Variants in PRMT3 observed in about 807,000 individuals in gnomAD.
PRMT3 encodes the protein protein arginine N-methyltransferase 3.
In PRMT3, 62 loss-of-function variants were observed where a neutral mutation model predicts 71.9. The observed-to-expected ratio is 0.86, with a 90% CI of 0.70 to 1.07. The LOEUF (loss-of-function observed/expected upper bound fraction) is 1.07. Among genes scored for constraint, PRMT3 ranks in the 50% least tolerant of loss-of-function variants. PRMT3 has a pLI of 0.00. For missense variants in PRMT3, 663 were observed against 643.0 expected (o/e 1.03, Z -0.34); for synonymous variants, 213 against 220.4 (o/e 0.97, Z 0.30).
At chr11:20,420,957 TAGAA>T (rs1849412383) in intron 9 of PRMT3, among the ~76,000 whole-genome samples, 1 of 152,222 alleles carries the variant, frequency 6.6e-6, no homozygotes, top group African/African-American at 2.4e-5. Context: ...ATACATACAT[TAGAA>T]AGAAGCTATA....
chr11:20,491,841 C>A (rs966007641), intron 13 of PRMT3, among the ~76,000 whole-genome samples: 1 of 152,182 alleles, frequency 6.6e-6, no homozygotes, highest in Non-Finnish European at 1.5e-5. Flanking sequence ...TTCCTACATA[C>A]AGAATTAGAT....
At chr11:20,452,317 T>A in intron 11 of PRMT3, 109 bp downstream of exon 11, 2 of 805,674 alleles carry the variant, frequency 2.5e-6, no homozygotes, top group Non-Finnish European at 4.0e-6. Flanking sequence ...CCGATAGGGT[T>A]GAAAGATGTT....
At chr11:20,464,401 G>GTTT in intron 12 of PRMT3, 59 bp from the exon 13 acceptor site, 67 of 1,153,766 alleles carry the variant, frequency 5.8e-5, no homozygotes, top group South Asian at 1.9e-4. Context: ...TTTATTTTTT[G>GTTT]TTTTTTTTTT....
intron 9 of PRMT3, among the ~76,000 whole-genome samples, chr11:20,409,862 T>C (rs1157059321): frequency 1.3e-5 from 2 of 152,130 alleles, no homozygotes; most frequent in East Asian, 1.9e-4. Context: ...TGAGAACCAC[T>C]GTCCCAAAGA....
chr11:20,472,498 TTTA>T (rs1850670909), intron 13 of PRMT3, among the ~76,000 whole-genome samples: 1 of 152,224 alleles, frequency 6.6e-6, no homozygotes, highest in Non-Finnish European at 1.5e-5. Flanking sequence ...ATGAATCACA[TTTA>T]TTGATTCCAT....
chr11:20,495,138 C>T (rs904820918), intron 15 of PRMT3, among the ~76,000 whole-genome samples: 5 of 152,128 alleles, frequency 3.3e-5, no homozygotes, highest in Admixed American at 6.5e-5. Context: ...AAGCAATTCT[C>T]CTGCCTCAGT....
intron 9 of PRMT3, among the ~76,000 whole-genome samples, chr11:20,418,525 A>C (rs948181259): frequency 6.6e-6 from 1 of 152,240 alleles, no homozygotes; most frequent in South Asian, 2.1e-4. Context: ...AAATAGGTTT[A>C]TAACTTGTAG....
At chr11:20,404,220 T>TGTTTTGTTTTGTTTTG (rs768771887) in intron 8 of PRMT3, among the ~76,000 whole-genome samples, 12 of 20,098 alleles carry the variant, frequency 6.0e-4, no homozygotes, top group African/African-American at 1.1e-3. Flanking sequence ...AGTTTTTTTT[T>TGTTTTGTTTTGTTTTG]TTTTTTTTTT....
Position 20,415,396 on chromosome 11 carries a change from A to C in PRMT3, c.893+7364A>C, listed in dbSNP as rs1849282741. ...TGACCACCCACTAGTTCAGTGATTTACTGGAAGAACTCACACAATTCAGTA... is the reference window on the plus strand; with the variant it reads ...TGACCACCCACTAGTTCAGTGATTTCCTGGAAGAACTCACACAATTCAGTA... On this transcript the variant is annotated intron_variant, in intron 9 of 15. Transcript: ENST00000331079. 2.0e-5 allele frequency among the ~76,000 whole-genome samples: 3 copies of C among 152,230 alleles called. No individual in the cohort carries two copies. In the South Asian group the frequency reaches 6.2e-4, roughly 32 times the overall value.
At chr11:20,485,980 G>A (rs1480806216) in intron 13 of PRMT3, among the ~76,000 whole-genome samples, 2 of 152,172 alleles carry the variant, frequency 1.3e-5, no homozygotes, top group African/African-American at 4.8e-5. Flanking sequence ...CCTATAGAAT[G>A]GATAAGTAAA....
At chr11:20,459,036 A>G (rs1235291123) in intron 11 of PRMT3, among the ~76,000 whole-genome samples, 3 of 152,190 alleles carry the variant, frequency 2.0e-5, no homozygotes, top group East Asian at 1.9e-4. Flanking sequence ...TTTATAGGCC[A>G]TATAGCCTCT....
intron 13 of PRMT3, 41 bp downstream of exon 13, chr11:20,464,587 T>G (rs1428654499): frequency 6.2e-7 from 1 of 1,602,880 alleles, no homozygotes; most frequent in Non-Finnish European, 8.5e-7. Context: ...TCACTAGCAG[T>G]GCAGTTGATT....
intron 10 of PRMT3, among the ~76,000 whole-genome samples, chr11:20,445,395 G>A (rs1175086976): frequency 1.3e-5 from 2 of 151,984 alleles, no homozygotes; most frequent in African/African-American, 4.8e-5. Flanking sequence ...ATACACAGAG[G>A]CAATCATTTT....
At chr11:20,431,376 G>C (rs10741839) in intron 10 of PRMT3, among the ~76,000 whole-genome samples, 123,489 of 151,944 alleles carry the variant, frequency 0.81, 52,321 homozygotes, top group Non-Finnish European at 0.95. Context: ...AGGTTTTTTT[G>C]TGAGGATTAA....
chr11:20,442,215 T>G (rs1192956184), intron 10 of PRMT3, among the ~76,000 whole-genome samples: 10 of 152,202 alleles, frequency 6.6e-5, no homozygotes, highest in African/African-American at 2.4e-4. Context: ...AAATATTGTT[T>G]TTTTTTTTAA....
chr11:20,412,285 A>G (rs1849210353), intron 9 of PRMT3, among the ~76,000 whole-genome samples: 1 of 152,116 alleles, frequency 6.6e-6, no homozygotes, highest in South Asian at 2.1e-4. Flanking sequence ...AATCATTACT[A>G]GAGTCATGGT....
chr11:20,488,481 A>ATT (rs2133445425), intron 13 of PRMT3, among the ~76,000 whole-genome samples: 1 of 152,264 alleles, frequency 6.6e-6, no homozygotes, highest in Non-Finnish European at 1.5e-5. Flanking sequence ...TGTTATAGTG[A>ATT]TTCTGCTGCA....
intron 10 of PRMT3, among the ~76,000 whole-genome samples, chr11:20,434,724 C>T (rs184247795): frequency 6.6e-6 from 1 of 152,252 alleles, no homozygotes; most frequent in East Asian, 1.9e-4. Context: ...GTCCGCTGTT[C>T]TGTTCCATTG....
At chr11:20,506,395 T>C (rs1851591265) in intron 15 of PRMT3, among the ~76,000 whole-genome samples, 1 of 151,790 alleles carries the variant, frequency 6.6e-6, no homozygotes, top group Non-Finnish European at 1.5e-5. Context: ...CATATATACG[T>C]ACACAAAAAT....
Sources: allele counts gnomAD v4.1 joint callset (sites outside exome capture counted in the v4.1 genomes callset), GRCh38; gene constraint gnomAD v4.1.1; transcripts MANE v1.5; gene names NCBI Gene and HGNC (gene_info 2026-07-23, HGNC 2026-07-21).